FSTL5: variants seen among roughly 807,000 people sequenced by gnomAD.
FSTL5 encodes follistatin like 5.
In FSTL5, 62 loss-of-function variants were observed where a neutral mutation model predicts 89.1. The ratio of observed to expected loss-of-function variants is 0.70; its 90% CI spans 0.57 to 0.86. FSTL5 has a LOEUF of 0.86. Ranked by LOEUF, FSTL5 falls within the 40% of genes least tolerant of loss-of-function variation. The pLI is 0.00. For synonymous variants in FSTL5, 383 were observed against 346.2 expected, an observed-to-expected ratio of 1.11 and a Z score of -1.18; for missense variants, 1,057 against 1,001.6, an observed-to-expected ratio of 1.06 and a Z score of -0.75.
intron 15 of FSTL5, among the ~76,000 whole-genome samples, chr4:161,430,695 C>G (rs62326363): frequency 0.14 from 21,004 of 152,046 alleles, 1,741 homozygotes; most frequent in East Asian, 0.24. Context: ...AGCCAAGATC[C>G]GGCTACTGCA....
At chr4:161,461,853 A>T (rs984876095) in intron 13 of FSTL5, among the ~76,000 whole-genome samples, 17 of 152,270 alleles carry the variant, frequency 1.1e-4, no homozygotes, top group African/African-American at 4.1e-4. Flanking sequence ...CCTATTTTGC[A>T]TGCAGCTTTA....
intron 1 of FSTL5, among the ~76,000 whole-genome samples, chr4:162,117,984 C>T (rs75824535): frequency 0.048 from 7,322 of 152,120 alleles, 371 homozygotes; most frequent in East Asian, 0.27. Context: ...TTGCAGTTAT[C>T]GCAAAAAGCC....
intron 7 of FSTL5, among the ~76,000 whole-genome samples, chr4:161,647,240 G>T (rs1011527737): frequency 6.6e-6 from 1 of 152,136 alleles, no homozygotes; most frequent in Admixed American, 6.5e-5. Flanking sequence ...CTCTCAACAA[G>T]ATTTGTTGAA....
chr4:161,604,154 A>G (rs1458024301), intron 7 of FSTL5, among the ~76,000 whole-genome samples: 3 of 152,094 alleles, frequency 2.0e-5, no homozygotes, highest in East Asian at 3.9e-4. Flanking sequence ...TTTGATAATC[A>G]TCTTTTCAAC....
chr4:161,607,898 G>GT lies in FSTL5; in HGVS notation c.895-20324dup, dbSNP rs551325103. Among the ~76,000 whole-genome samples the GT allele has an allele frequency of 1.9e-3, 293 of 152,202 alleles. 1 individual carries two copies. The highest frequency in any genetic ancestry group is 5.4e-3 in the South Asian group (26 of 4,830). On this transcript the variant is annotated intron_variant, in intron 7 of 15. Transcript: ENST00000306100. ...TGAAATTCTATAACCACATGTGCAT[G>GT]TTTTTTCCATCAATACTGTGCTTCT...
chr4:161,816,773 A>G (rs1730337870), intron 4 of FSTL5, among the ~76,000 whole-genome samples: 1 of 152,212 alleles, frequency 6.6e-6, no homozygotes, highest in South Asian at 2.1e-4. Context: ...GTCAAAGGGC[A>G]ATAACTGGTC....
chr4:162,082,536 T>C (rs1327409502), intron 2 of FSTL5, among the ~76,000 whole-genome samples: 2 of 151,532 alleles, frequency 1.3e-5, no homozygotes, highest in African/African-American at 4.8e-5. Context: ...AAATTCTTTT[T>C]TTTTTTTTCA....
intron 3 of FSTL5, among the ~76,000 whole-genome samples, chr4:162,002,207 T>C (rs1736485581): frequency 6.6e-6 from 1 of 152,176 alleles, no homozygotes; most frequent in South Asian, 2.1e-4. Context: ...GTTTCATAGC[T>C]ACAATTAGCA....
intron 7 of FSTL5, among the ~76,000 whole-genome samples, chr4:161,643,457 T>G (rs1736035988): frequency 6.8e-6 from 1 of 147,648 alleles, no homozygotes; most frequent in African/African-American, 2.4e-5. Context: ...TATTGCAGTA[T>G]TAAATGTAAC....
At chr4:161,762,572 A>AT (rs570813179) in intron 5 of FSTL5, among the ~76,000 whole-genome samples, 105 of 152,288 alleles carry the variant, frequency 6.9e-4, no homozygotes, top group African/African-American at 2.4e-3. Context: ...ATCTCATGCT[A>AT]TTTTTTATCT....
chr4:161,937,633 A>G (rs949719578), intron 3 of FSTL5, among the ~76,000 whole-genome samples: 2 of 152,170 alleles, frequency 1.3e-5, no homozygotes, highest in African/African-American at 4.8e-5. Context: ...GCAGTATACA[A>G]TTCTGGGGGA....
intron 4 of FSTL5, among the ~76,000 whole-genome samples, chr4:161,820,973 C>T (rs1012424227): frequency 6.8e-6 from 1 of 147,378 alleles, no homozygotes; most frequent in East Asian, 2.0e-4. Flanking sequence ...AAACTCTTTA[C>T]AAATAAAAAA....
At chr4:161,658,934 A>T (rs1736614340) in intron 6 of FSTL5, among the ~76,000 whole-genome samples, 1 of 152,204 alleles carries the variant, frequency 6.6e-6, no homozygotes, top group Non-Finnish European at 1.5e-5. Context: ...TTACCCTGGA[A>T]TCTCTTCACT....
chr4:161,472,733 T>A (rs1299874990), intron 13 of FSTL5, among the ~76,000 whole-genome samples: 1 of 147,832 alleles, frequency 6.8e-6, no homozygotes, highest in Non-Finnish European at 1.5e-5. Flanking sequence ...TATGTAACTT[T>A]TTTTTTTTTT....
At chr4:162,021,820 C>T (rs1010734326) in intron 3 of FSTL5, among the ~76,000 whole-genome samples, 4 of 151,368 alleles carry the variant, frequency 2.6e-5, no homozygotes, top group African/African-American at 9.7e-5. Context: ...TGGCTGGGCA[C>T]GATGGCTCAC....
intron 3 of FSTL5, among the ~76,000 whole-genome samples, chr4:161,941,944 G>C (rs2099245): frequency 0.32 from 48,894 of 151,622 alleles, 9,636 homozygotes; most frequent in Non-Finnish European, 0.43. Context: ...ATAGTTCAAG[G>C]TATCTTAGCA....
chr4:161,588,552 T>C (rs1418328923), intron 7 of FSTL5, among the ~76,000 whole-genome samples: 2 of 152,126 alleles, frequency 1.3e-5, no homozygotes, highest in Non-Finnish European at 2.9e-5. Context: ...ACCTCCAGAA[T>C]AGCAAAGACC....
chr4:161,962,732 C>T (rs1488515869), intron 3 of FSTL5, among the ~76,000 whole-genome samples: 1 of 151,866 alleles, frequency 6.6e-6, no homozygotes, highest in Non-Finnish European at 1.5e-5. Flanking sequence ...AATTTTGCCA[C>T]TGAGAAAGCT....
At chr4:162,102,857 C>T (rs920533894) in intron 2 of FSTL5, among the ~76,000 whole-genome samples, 3 of 150,858 alleles carry the variant, frequency 2.0e-5, no homozygotes, top group African/African-American at 4.9e-5. Context: ...TATTTGCCTA[C>T]TTTGTCTTAT....
Sources: gnomAD v4.1 joint callset for allele counts (sites outside exome capture counted in the v4.1 genomes callset) on GRCh38, gnomAD v4.1.1 for gene constraint, MANE v1.5 for transcripts, NCBI Gene and HGNC (gene_info 2026-07-23, HGNC 2026-07-21) for gene names.